Variants in CUX1 observed in about 807,000 individuals in gnomAD.
CUX1 encodes cut like homeobox 1.
In CUX1, 31 loss-of-function variants were observed where a neutral mutation model predicts 158.8. That is an observed-to-expected ratio of 0.20 (90% CI 0.15 to 0.26). CUX1 has a LOEUF of 0.26. Among genes scored for constraint, CUX1 ranks in the 10% least tolerant of loss-of-function variants. The pLI is 1.00. For missense variants in CUX1, 1,589 were observed against 2,014.6 expected, an observed-to-expected ratio of 0.79 and a Z score of 4.04; for synonymous variants, 879 against 862.1, an observed-to-expected ratio of 1.02 and a Z score of -0.34.
intron 1 of CUX1, among the ~76,000 whole-genome samples, chr7:101,844,736 C>T (rs552214927): frequency 7.6e-4 from 116 of 152,250 alleles, no homozygotes; most frequent in Non-Finnish European, 1.5e-3. Context: ...GTGCCTCAGC[C>T]TTTTGAGTAG....
intron 2 of CUX1, among the ~76,000 whole-genome samples, chr7:102,005,054 T>G (rs1817154897): frequency 6.6e-6 from 1 of 152,196 alleles, no homozygotes; most frequent in Admixed American, 6.5e-5. Context: ...TCTGCTGCTA[T>G]TGCAGGCAGG....
intron 1 of CUX1, chr7:101,824,543 C>G (rs1793042767): frequency 6.6e-6 from 1 of 152,216 alleles, no homozygotes; most frequent in Non-Finnish European, 1.5e-5. Context: ...AAAGGTAAAT[C>G]TTTGTCTTGA....
At chr7:102,123,963 A>G (rs1017617818) in intron 8 of CUX1, among the ~76,000 whole-genome samples, 2 of 152,042 alleles carry the variant, frequency 1.3e-5, no homozygotes, top group African/African-American at 2.4e-5. Flanking sequence ...GCGCCTGGCC[A>G]ATAAAGCAAT....
chr7:102,034,145 C>CAAAAAAAA (rs10655613), intron 3 of CUX1, among the ~76,000 whole-genome samples: 8,349 of 48,526 alleles, frequency 0.17, 2,555 homozygotes, highest in Non-Finnish European at 0.19. Context: ...GACTCCATCT[C>CAAAAAAAA]AAAAAAAAAA....
At position 102,251,814 on chromosome 7, in the gene CUX1, C is replaced by T. The variant is rs2087598170; in HGVS notation, c.*2772C>T. ...AAAGAAGTTAACAGGAAATAGTAGGCTAGGGTTTAGTTTTAAAGGCATGAC... is the reference window on the plus strand; with the variant it reads ...AAAGAAGTTAACAGGAAATAGTAGGTTAGGGTTTAGTTTTAAAGGCATGAC... On this transcript the variant is annotated 3_prime_UTR_variant, in exon 24 of 24. Coordinates refer to ENST00000292535, the MANE Select transcript of CUX1 (RefSeq NM_181552.4). 1 of 985,174 alleles carries T rather than the reference C, an allele frequency of 1.0e-6. No homozygotes were observed. Among genetic ancestry groups the T allele is most frequent in the African/African-American group, 1.7e-5 (1 of 57,194 alleles). 61.0% of individuals were successfully genotyped at this position (985,174 alleles called of 1,614,324 possible). A position where few individuals can be genotyped will look rare whatever the true frequency, so the allele number is the denominator to read the frequency against.
At chr7:102,188,841 TAAAAAGGAA>T (rs1554516059) in intron 11 of CUX1, 1 of 145,686 alleles carries the variant, frequency 6.9e-6, no homozygotes, top group East Asian at 2.0e-4. Flanking sequence ...AAAAAAGGAT[TAAAAAGGAA>T]AAAAAGGAAA....
chr7:102,071,309 G>A (rs1018685186), intron 4 of CUX1, among the ~76,000 whole-genome samples: 1 of 152,104 alleles, frequency 6.6e-6, no homozygotes, highest in African/African-American at 2.4e-5. Flanking sequence ...AAATATGTTT[G>A]TGAGGCATTC....
At chr7:102,069,103 C>T (rs1310094059) in intron 3 of CUX1, among the ~76,000 whole-genome samples, 3 of 152,138 alleles carry the variant, frequency 2.0e-5, no homozygotes, top group African/African-American at 7.2e-5. Flanking sequence ...TCCAGCCGCC[C>T]TCTCCTCCTC....
At chr7:102,139,674 C>A (rs1554499684) in intron 8 of CUX1, among the ~76,000 whole-genome samples, 1 of 152,058 alleles carries the variant, frequency 6.6e-6, no homozygotes, top group Non-Finnish European at 1.5e-5. Flanking sequence ...TTTTTTAAGA[C>A]AGGATCTTGA....
chr7:102,277,934 C>CATGG, intron 17 of CUX1: 19 of 846,788 alleles, frequency 2.2e-5, no homozygotes, highest in East Asian at 4.1e-5. Flanking sequence ...CCTTTCCTTG[C>CATGG]CCCTCCCCCC....
rs562493293 is a variant in CUX1 at position 102,065,090 on chromosome 7, G to GT, written c.190-5240dup. Among the ~76,000 whole-genome samples, 27 of 151,198 alleles carry GT rather than the reference G, an allele frequency of 1.8e-4. No individual in the cohort carries two copies. In the South Asian group the frequency reaches 2.3e-3, roughly 13 times the overall value. On this transcript the variant is annotated intron_variant, in intron 3 of 23. Transcript: ENST00000292535. ...CTCCAACTTCAGGGTCATTCTGGTT[G>GT]TTTTTTTTTAAGACAGGGTCTCACT... is the stretch of plus-strand genomic sequence containing the variant.
chr7:102,085,961 A>C (rs1554480323), intron 4 of CUX1, among the ~76,000 whole-genome samples: 2 of 152,202 alleles, frequency 1.3e-5, no homozygotes, highest in African/African-American at 4.8e-5. Flanking sequence ...AAGGCTATTA[A>C]GTTTTTTAAA....
chr7:102,136,125 A>G (rs782541712), intron 8 of CUX1, among the ~76,000 whole-genome samples: 122 of 152,264 alleles, frequency 8.0e-4, no homozygotes, highest in Non-Finnish European at 1.2e-3. Context: ...GCCCAATAAT[A>G]TTGATGATTT....
chr7:102,086,246 C>G (rs1164700367), intron 4 of CUX1, among the ~76,000 whole-genome samples: 1 of 138,266 alleles, frequency 7.2e-6, no homozygotes, highest in Admixed American at 7.3e-5. Flanking sequence ...TGATTTTTCT[C>G]TTTTTTTTTT....
At chr7:102,028,704 G>A (rs1176383373) in intron 3 of CUX1, among the ~76,000 whole-genome samples, 2 of 152,338 alleles carry the variant, frequency 1.3e-5, no homozygotes, top group East Asian at 1.9e-4. Flanking sequence ...CACGTGGGTG[G>A]CAAGTCACCT....
At chr7:102,204,972 C>T (rs565124036) in intron 19 of CUX1, 142 bp from the exon 20 acceptor site, 5 of 633,874 alleles carry the variant, frequency 7.9e-6, no homozygotes, top group East Asian at 5.6e-5. Flanking sequence ...GCAACAGCAG[C>T]GCCTCCCCGG....
chr7:102,074,575 G>A (rs1298681944), intron 4 of CUX1, among the ~76,000 whole-genome samples: 1 of 152,174 alleles, frequency 6.6e-6, no homozygotes, highest in African/African-American at 2.4e-5. Flanking sequence ...ACAACAGGTG[G>A]GACATAGTGA....
intron 1 of CUX1, among the ~76,000 whole-genome samples, chr7:101,870,156 T>G (rs1301050403): frequency 3.4e-4 from 51 of 149,128 alleles, no homozygotes; most frequent in Non-Finnish European, 6.4e-4. Flanking sequence ...TTTTTTTGTT[T>G]TTTTTTTTTT....
chr7:101,877,106 A>G (rs1291965131), intron 1 of CUX1, among the ~76,000 whole-genome samples: 1 of 152,248 alleles, frequency 6.6e-6, no homozygotes, highest in Non-Finnish European at 1.5e-5. Context: ...ACATTTCATT[A>G]CATTACTTTC....
Sources: allele counts gnomAD v4.1 joint callset (sites outside exome capture counted in the v4.1 genomes callset), GRCh38; gene constraint gnomAD v4.1.1; transcripts MANE v1.5; gene names NCBI Gene and HGNC (gene_info 2026-07-23, HGNC 2026-07-21).